The following CMIP variants were observed in gnomAD, a reference collection of about 807,000 sequenced individuals.
CMIP encodes the protein c-Maf inducing protein.
CMIP carries 13 observed loss-of-function variants against 97.3 expected under a neutral mutation model. That is an observed-to-expected ratio of 0.13 (90% CI 0.09 to 0.21). The LOEUF (loss-of-function observed/expected upper bound fraction) is 0.21, where lower values mean the gene tolerates loss of function less well. Among genes scored for constraint, CMIP ranks in the 10% least tolerant of loss-of-function variants. The pLI is 1.00. For missense variants in CMIP, 847 were observed against 1,024.9 expected, an observed-to-expected ratio of 0.83 and a Z score of 2.37; for synonymous variants, 538 against 436.3, an observed-to-expected ratio of 1.23 and a Z score of -2.91.
Position 81,479,652 on chromosome 16 carries a change from G to T in CMIP, c.300+34111G>T, listed in dbSNP as rs140148280. Among the ~76,000 whole-genome samples the T allele has an allele frequency of 6.9e-3, 1,048 of 151,790 alleles. 10 individuals carry two copies. The highest frequency in any genetic ancestry group is 0.024 in the African/African-American group (998 of 41,342). Reference sequence around the variant, plus strand: ...TTATTATTATTTTGCTTTTTTTGTTGAGGTGAGATTTACATAACATAAAAT... The same window carrying T: ...TTATTATTATTTTGCTTTTTTTGTTTAGGTGAGATTTACATAACATAAAAT... On this transcript the variant is annotated intron_variant, in intron 1 of 20. Coordinates refer to ENST00000537098, the MANE Select transcript of CMIP (RefSeq NM_198390.3).
intron 1 of CMIP, among the ~76,000 whole-genome samples, chr16:81,573,884 T>G (rs1381287497): frequency 6.6e-6 from 1 of 152,220 alleles, no homozygotes; most frequent in Non-Finnish European, 1.5e-5. Context: ...TGACTCCTCT[T>G]GAGCAGTGAG....
At chr16:81,448,782 G>C (rs1906026076) in intron 1 of CMIP, among the ~76,000 whole-genome samples, 1 of 152,264 alleles carries the variant, frequency 6.6e-6, no homozygotes, top group Non-Finnish European at 1.5e-5. Flanking sequence ...GGGAGATAGG[G>C]AGGCCAGGGC....
intron 1 of CMIP, among the ~76,000 whole-genome samples, chr16:81,509,939 C>G (rs1484939432): frequency 1.3e-5 from 2 of 152,208 alleles, no homozygotes; most frequent in Admixed American, 1.3e-4. Flanking sequence ...CTCCGGACAT[C>G]CTGCCCTCAC....
At position 81,607,673 on chromosome 16, in the gene CMIP, G is replaced by C; in HGVS notation, c.407G>C (p.Gly136Ala). 6.2e-7 allele frequency: 1 copy of C among 1,613,950 alleles called. No individual in the cohort carries two copies. The highest frequency in any genetic ancestry group is 8.5e-7 in the Non-Finnish European group (1 of 1,179,846). ...PKYCLQLTIP[G>A]GTVLLQAANS... The stretch of plus-strand genomic sequence containing the variant: ...TACTGTTTACAGCTCACGATTCCTG[G>C]GGGAACTGTCTTACTGCAGGTAGGA... Residue 136 changes from glycine (G) to alanine (A), a missense_variant, in exon 2 of 21, where the codon GGG becomes GCG. Gly to Ala is a moderately conservative substitution (Grantham distance 60). Transcript: ENST00000537098.
chr16:81,646,407 C>T (rs1048657366), intron 3 of CMIP, among the ~76,000 whole-genome samples: 12 of 152,210 alleles, frequency 7.9e-5, no homozygotes, highest in African/African-American at 1.4e-4. Context: ...CTATACGCTT[C>T]GCCACTGAGC....
intron 1 of CMIP, among the ~76,000 whole-genome samples, chr16:81,592,701 G>C (rs1202495919): frequency 6.6e-6 from 1 of 152,232 alleles, no homozygotes; most frequent in Non-Finnish European, 1.5e-5. Flanking sequence ...GAGGCCCACT[G>C]CTTGATGGAC....
At chr16:81,544,493 G>A (rs2090507265) in intron 1 of CMIP, among the ~76,000 whole-genome samples, 1 of 151,496 alleles carries the variant, frequency 6.6e-6, no homozygotes, top group Non-Finnish European at 1.5e-5. Flanking sequence ...TCTCCAAACA[G>A]CCTGCCGCTG....
chr16:81,458,668 G>A (rs972700256), intron 1 of CMIP, among the ~76,000 whole-genome samples: 3 of 152,152 alleles, frequency 2.0e-5, no homozygotes, highest in East Asian at 3.9e-4. Context: ...GCCTGCCCAG[G>A]TCAGTCCTTC....
intron 20 of CMIP, 33 bp downstream of exon 20, chr16:81,707,117 C>T (rs541299022): frequency 1.9e-6 from 3 of 1,580,934 alleles, no homozygotes; most frequent in Non-Finnish European, 2.6e-6. Flanking sequence ...CTCTCCTCCC[C>T]TCCTTCTTCT....
chr16:81,658,697 C>T (rs1450195634), intron 5 of CMIP, among the ~76,000 whole-genome samples: 1 of 152,208 alleles, frequency 6.6e-6, no homozygotes, highest in Admixed American at 6.5e-5. Context: ...ATTGCTGGAG[C>T]ATAAAGCATA....
intron 7 of CMIP, among the ~76,000 whole-genome samples, chr16:81,669,285 C>CT (rs2092652932): frequency 2.0e-5 from 2 of 101,910 alleles, no homozygotes; most frequent in African/African-American, 3.8e-5. Context: ...CACCTCACAC[C>CT]TCCACACCCA....
chr16:81,453,391 G>T lies in CMIP; in HGVS notation c.300+7850G>T, dbSNP rs574731684. The stretch of plus-strand genomic sequence containing the variant: ...CCTTGGGCTGGGCTGGCTGCATCCA[G>T]CTCAGGTGGGGTCATATGGAGAAGG... On this transcript the variant is annotated intron_variant, in intron 1 of 20. Coordinates refer to ENST00000537098, the MANE Select transcript of CMIP (RefSeq NM_198390.3). This position sits in a 1 kb window ranked among gnomAD's most constrained non-coding sequence, Gnocchi z 4.0. Among the ~76,000 whole-genome samples, 30 of 152,348 alleles carry T rather than the reference G, an allele frequency of 2.0e-4. No homozygotes were observed. Among genetic ancestry groups the T allele is most frequent in the African/African-American group, 7.0e-4 (29 of 41,574 alleles).
At chr16:81,581,322 G>A (rs1018675276) in intron 1 of CMIP, among the ~76,000 whole-genome samples, 17 of 152,140 alleles carry the variant, frequency 1.1e-4, no homozygotes, top group African/African-American at 3.9e-4. Context: ...GTCACTGAGC[G>A]AACATCCTGG....
chr16:81,528,258 G>C (rs570826023), intron 1 of CMIP, among the ~76,000 whole-genome samples: 1 of 152,222 alleles, frequency 6.6e-6, no homozygotes, highest in East Asian at 1.9e-4. Flanking sequence ...ATTGGCGCTT[G>C]TCTGGTCTTG....
intron 1 of CMIP, among the ~76,000 whole-genome samples, chr16:81,521,215 C>A (rs1294738796): frequency 6.6e-6 from 1 of 152,222 alleles, no homozygotes; most frequent in Non-Finnish European, 1.5e-5. Flanking sequence ...AGCCCCGAGG[C>A]CTTTCGGCAA....
intron 18 of CMIP, among the ~76,000 whole-genome samples, chr16:81,704,775 A>G (rs1907936113): frequency 7.8e-6 from 1 of 128,486 alleles, no homozygotes; most frequent in Non-Finnish European, 1.6e-5. Flanking sequence ...GGCATTGCTT[A>G]CCACACGACC....
At chr16:81,530,961 T>C (rs1216958073) in intron 1 of CMIP, among the ~76,000 whole-genome samples, 1 of 152,206 alleles carries the variant, frequency 6.6e-6, no homozygotes, top group African/African-American at 2.4e-5. Context: ...AGCCACCAGC[T>C]AGCCTGAGCT....
chr16:81,703,726 C>T (rs896907999), intron 17 of CMIP: 10 of 600,630 alleles, frequency 1.7e-5, no homozygotes, highest in Non-Finnish European at 2.6e-5. Flanking sequence ...TGGCAGCTGT[C>T]GTCCATGGGA....
intron 7 of CMIP, chr16:81,665,655 ACACATCATTTCACTTGTGATGTAGCT>A (rs1238428199): frequency 2.0e-5 from 3 of 152,218 alleles, no homozygotes; most frequent in Non-Finnish European, 4.4e-5. Context: ...AAGGGTAACC[ACACATCATTTCACTTGTGATGTAGCT>A]TGCCTGTCTC....
Sources: gnomAD v4.1 joint callset for allele counts (sites outside exome capture counted in the v4.1 genomes callset) on GRCh38, gnomAD v4.1.1 for gene constraint, Gnocchi (gnomAD v3.1) non-coding constraint, MANE v1.5 for transcripts, NCBI Gene and HGNC (gene_info 2026-07-23, HGNC 2026-07-21) for gene names.